Variants in HOOK1 observed in about 807,000 individuals in gnomAD.
HOOK1 encodes the protein hook microtubule tethering protein 1.
In HOOK1, 60 loss-of-function variants were observed where a neutral mutation model predicts 112.8. The observed-to-expected ratio is 0.53, with a 90% CI of 0.43 to 0.66. The LOEUF (loss-of-function observed/expected upper bound fraction) is 0.66. HOOK1 is among the 30% of genes least tolerant of loss of function. HOOK1 has a pLI of 0.00. For missense variants in HOOK1, 770 were observed against 856.0 expected, an observed-to-expected ratio of 0.90 and a Z score of 1.25; for synonymous variants, 294 against 283.8, an observed-to-expected ratio of 1.04 and a Z score of -0.36.
chr1:59,833,022 G>A (rs1426469695), intron 4 of HOOK1, among the ~76,000 whole-genome samples: 1 of 152,026 alleles, frequency 6.6e-6, no homozygotes, highest in Non-Finnish European at 1.5e-5. Flanking sequence ...TTTACATTGT[G>A]TTTCTCTGTT....
intron 16 of HOOK1, 108 bp from the exon 17 acceptor site, chr1:59,864,524 T>C: frequency 5.9e-6 from 4 of 675,192 alleles, no homozygotes; most frequent in Non-Finnish European, 1.0e-5. Context: ...AAAATATTTA[T>C]AATTTTGCCT....
chr1:59,858,028 T>C (rs2098411605), intron 12 of HOOK1, among the ~76,000 whole-genome samples: 1 of 152,258 alleles, frequency 6.6e-6, no homozygotes, highest in Non-Finnish European at 1.5e-5. Flanking sequence ...CAAGGGTTTA[T>C]GTATCAGTAT....
chr1:59,838,444 T>A (rs919569854), intron 7 of HOOK1, among the ~76,000 whole-genome samples: 1 of 152,148 alleles, frequency 6.6e-6, no homozygotes, highest in Non-Finnish European at 1.5e-5. Flanking sequence ...TCTAATGACC[T>A]GTGATGATGA....
intron 1 of HOOK1, among the ~76,000 whole-genome samples, chr1:59,818,807 T>C (rs2098383436): frequency 6.6e-6 from 1 of 152,216 alleles, no homozygotes; most frequent in Non-Finnish European, 1.5e-5. Context: ...GTTGTTTTTT[T>C]TGTAATGAGC....
At chr1:59,835,504 G>A in intron 6 of HOOK1, 92 bp downstream of exon 6, 1 of 745,598 alleles carries the variant, frequency 1.3e-6, no homozygotes, top group Non-Finnish European at 2.3e-6. Context: ...TTAAAAACTT[G>A]CTCTTTGTTG....
chr1:59,828,640 T>C, intron 2 of HOOK1, 140 bp from the exon 3 acceptor site: 1 of 571,510 alleles, frequency 1.7e-6, no homozygotes, highest in South Asian at 2.9e-5. Context: ...TATGATAAAT[T>C]ATTGCTATAT....
In HOOK1 at chr1:59,833,514, C is replaced by T. The variant is rs1450986819; in HGVS notation, c.383C>T (p.Ala128Val). 4.4e-6 allele frequency: 7 copies of T among 1,573,166 alleles called. No homozygotes were observed. The South Asian group carries it at 5.9e-5, about 13-fold the overall frequency. Residue 128 changes from alanine (A) to valine (V), a missense_variant, in exon 5 of 22, where the codon GCG becomes GTG. Coordinates refer to ENST00000371208, the MANE Select transcript of HOOK1 (RefSeq NM_015888.6). ...TTGCTCCAGCTTATTTTAGGTTGTG[C>T]GATCAACTGTGAAAAGAAGCAAGGT... ...GRLLQLILGC[A>V]INCEKKQEHI... is the part of the protein sequence containing the mutation.
intron 12 of HOOK1, among the ~76,000 whole-genome samples, chr1:59,849,600 A>C (rs908480129): frequency 1.3e-5 from 2 of 151,676 alleles, no homozygotes; most frequent in African/African-American, 4.8e-5. Context: ...GAACACTGCC[A>C]TCACTCTAAA....
rs1274836538 is a variant in HOOK1, at chr1:59,874,242, C to G, written c.*1277C>G. On this transcript the variant is annotated 3_prime_UTR_variant, in exon 22 of 22. Transcript: ENST00000371208. ...TGGACAGGGCAGCTATAGAATATTTCCATCATTGCAGAAAGTTCTATTGGA... is the reference window on the plus strand; with the variant it reads ...TGGACAGGGCAGCTATAGAATATTTGCATCATTGCAGAAAGTTCTATTGGA... The G allele has an allele frequency of 6.6e-6, 1 of 152,028 alleles. No individual in the cohort carries two copies. The highest frequency in any genetic ancestry group is 1.9e-4 in the East Asian group (1 of 5,184). The allele number at this position is 152,028 out of a possible 1,614,324, so 9.4% of individuals were successfully genotyped here. A position where few individuals can be genotyped will look rare whatever the true frequency, so the allele number is the denominator to read the frequency against.
At chr1:59,845,153 T>C (rs2098403022) in intron 9 of HOOK1, among the ~76,000 whole-genome samples, 1 of 151,898 alleles carries the variant, frequency 6.6e-6, no homozygotes, top group African/African-American at 2.4e-5. Context: ...GCTCTCTGCC[T>C]CCAAGATGGC....
chr1:59,827,722 A>G (rs180971839), intron 2 of HOOK1, among the ~76,000 whole-genome samples: 240 of 151,778 alleles, frequency 1.6e-3, no homozygotes, highest in African/African-American at 5.6e-3. Context: ...AAAGTAGTGA[A>G]GCCATTTTTT....
chr1:59,849,014 TGAGA>T, intron 11 of HOOK1, 55 bp from the exon 12 acceptor site: 1 of 922,196 alleles, frequency 1.1e-6, no homozygotes, highest in Non-Finnish European at 1.6e-6. Flanking sequence ...GAAAGACTAT[TGAGA>T]TTTATACACT....
intron 2 of HOOK1, among the ~76,000 whole-genome samples, chr1:59,828,257 ACTTGT>A (rs913944947): frequency 6.6e-6 from 1 of 152,168 alleles, no homozygotes; most frequent in Non-Finnish European, 1.5e-5. Context: ...TTAAAACTAA[ACTTGT>A]CTTTGTAGAC....
At position 59,832,204 on chromosome 1, in the gene HOOK1, T is replaced by C; in HGVS notation, c.264T>C (p.Tyr88=). The C allele has an allele frequency of 1.3e-6, 2 of 1,558,900 alleles. No individual in the cohort carries two copies. Among genetic ancestry groups the C allele is most frequent in the Non-Finnish European group, 1.7e-6 (2 of 1,145,768 alleles). Residue 88 remains tyrosine, a synonymous_variant, in exon 4 of 22, where the codon TAT becomes TAC. Coordinates refer to ENST00000371208, the MANE Select transcript of HOOK1 (RefSeq NM_015888.6). Reference sequence around the variant, plus strand: ...AGGTCCTTCAAGGAATTATGAGTTATTATCATGAGGTATGAAAACCATCTG... The same window carrying C: ...AGGTCCTTCAAGGAATTATGAGTTACTATCATGAGGTATGAAAACCATCTG... ...VKKVLQGIMS[Y]YHEFLGQQIS...
chr1:59,846,596 C>CCCTCCCT lies in HOOK1; in HGVS notation c.789-446_789-440dup, dbSNP rs1553462825. ...CTTCCTTCCTTCCTTCCTCCCTCCT[C>CCCTCCCT]CCTCCCTCCCTCCCTCTCTCTCTCT... is the stretch of plus-strand genomic sequence containing the variant. On this transcript the variant is annotated intron_variant, in intron 9 of 21. Transcript: ENST00000371208. 9.9e-4 allele frequency among the ~76,000 whole-genome samples: 86 copies of CCCTCCCT among 86,640 alleles called. 2 individuals carry two copies. Among genetic ancestry groups the CCCTCCCT allele is most frequent in the African/African-American group, 1.4e-3 (35 of 25,090 alleles). 56.8% of individuals were successfully genotyped at this position (86,640 alleles called of 152,430 possible).
intron 10 of HOOK1, 61 bp downstream of exon 10, chr1:59,847,246 AT>A: frequency 7.3e-7 from 1 of 1,375,120 alleles, no homozygotes; most frequent in Non-Finnish European, 1.0e-6. Context: ...CAATTTGAGT[AT>A]TTCATATTTT....
chr1:59,863,333 G>C (rs2098414590), intron 16 of HOOK1, among the ~76,000 whole-genome samples: 1 of 152,116 alleles, frequency 6.6e-6, no homozygotes, highest in Non-Finnish European at 1.5e-5. Context: ...TCTACCTAAA[G>C]AGCATGCCAA....
Position 59,873,119 on chromosome 1 carries a change from C to A in HOOK1, c.*154C>A. On this transcript the variant is annotated 3_prime_UTR_variant, in exon 22 of 22. Coordinates refer to ENST00000371208, the MANE Select transcript of HOOK1 (RefSeq NM_015888.6). ...ATCAACATGCATCAAATTAATTTTG[C>A]CAGTTGACTTTAAAAACAAATTATA... is the stretch of plus-strand genomic sequence containing the variant. The A allele has an allele frequency of 1.7e-6, 1 of 588,032 alleles. No individual in the cohort carries two copies. Among genetic ancestry groups the A allele is most frequent in the Non-Finnish European group, 2.6e-6 (1 of 385,060 alleles). 36.4% of individuals were successfully genotyped at this position (588,032 alleles called of 1,614,324 possible).
chr1:59,841,755 T>TA (rs2098401146), intron 8 of HOOK1, among the ~76,000 whole-genome samples: 2 of 152,116 alleles, frequency 1.3e-5, no homozygotes, highest in African/African-American at 4.8e-5. Context: ...GAGAAATTCT[T>TA]ATTCAATAAA....
Sources: allele counts gnomAD v4.1 joint callset (sites outside exome capture counted in the v4.1 genomes callset), GRCh38; gene constraint gnomAD v4.1.1; transcripts MANE v1.5; gene names NCBI Gene and HGNC (gene_info 2026-07-23, HGNC 2026-07-21).